Variants in EPHB2 observed in about 807,000 individuals in gnomAD.
EPHB2 encodes the protein ephrin type-B receptor 2.
Under a neutral mutation model 96.4 loss-of-function variants are expected in EPHB2, and 18 were observed. The ratio of observed to expected loss-of-function variants is 0.19; its 90% CI spans 0.13 to 0.28. The LOEUF is 0.28. EPHB2 is among the 10% of genes least tolerant of loss of function. The probability of loss-of-function intolerance (pLI) is 1.00; values close to 1 mark genes in which losing one functional copy is unlikely to be tolerated. For synonymous variants in EPHB2, 506 were observed against 534.1 expected (o/e 0.95, Z 0.72); for missense variants, 989 against 1,355.4 (o/e 0.73, Z 4.25).
At chr1:22,831,752 G>A (rs1270203960) in intron 3 of EPHB2, among the ~76,000 whole-genome samples, 1 of 152,106 alleles carries the variant, frequency 6.6e-6, no homozygotes, top group Admixed American at 6.5e-5. Flanking sequence ...GGGAGATGCT[G>A]ACCTGGGCTT....
Position 22,906,167 on chromosome 1 carries a change from C to T in EPHB2, c.1888+58C>T. On this transcript the variant is annotated intron_variant, in intron 10 of 15. Transcript: ENST00000374630. The surrounding 1 kb of genome is among the most constrained non-coding windows in gnomAD (Gnocchi z 4.8). Reference sequence around the variant, plus strand: ...CCTTAGCCATGGCTGGTGAGACCACCCCAATGTATACCCTTGGGGCAGAAG... The same window carrying T: ...CCTTAGCCATGGCTGGTGAGACCACTCCAATGTATACCCTTGGGGCAGAAG... The T allele has an allele frequency of 6.2e-7, 1 of 1,612,984 alleles. No individual in the cohort carries two copies. Among genetic ancestry groups the T allele is most frequent in the Non-Finnish European group, 8.5e-7 (1 of 1,179,644 alleles).
Position 22,916,685 on chromosome 1 carries a change from G to A in EPHB2, c.*3115G>A, listed in dbSNP as rs1461665619. On this transcript the variant is annotated 3_prime_UTR_variant, in exon 16 of 16. Coordinates refer to ENST00000374630, the MANE Select transcript of EPHB2 (RefSeq NM_017449.5). The surrounding 1 kb of genome is among the most constrained non-coding windows in gnomAD (Gnocchi z 4.2). ...TCCTTTCCTGGCTCAACCTCCCCAA[G>A]TGCCAGCCCCCGCCTGCCCAGCAGT... 1.3e-5 allele frequency: 2 copies of A among 152,560 alleles called. No homozygotes were observed. Among genetic ancestry groups the A allele is most frequent in the African/African-American group, 4.8e-5 (2 of 41,432 alleles). The allele number at this position is 152,560 out of a possible 1,614,324, so 9.5% of individuals were successfully genotyped here. A position where few individuals can be genotyped will look rare whatever the true frequency, so the allele number is the denominator to read the frequency against.
chr1:22,821,259 A>G (rs1435239742), intron 3 of EPHB2, among the ~76,000 whole-genome samples: 1 of 152,244 alleles, frequency 6.6e-6, no homozygotes, highest in Admixed American at 6.5e-5. Flanking sequence ...ACATGACTAT[A>G]CTACCCAGAT....
intron 1 of EPHB2, among the ~76,000 whole-genome samples, chr1:22,753,798 A>G (rs757759530): frequency 2.6e-5 from 4 of 151,524 alleles, no homozygotes; most frequent in Non-Finnish European, 5.9e-5. Flanking sequence ...CTATCATCCC[A>G]GTATTTATCT....
intron 8 of EPHB2, 86 bp downstream of exon 8, chr1:22,895,666 T>G: frequency 7.8e-7 from 1 of 1,278,606 alleles, no homozygotes. Context: ...ACAGTGCTGG[T>G]GAACCGAGGA....
At chr1:22,911,227 C>T (rs1323493903) in intron 14 of EPHB2, among the ~76,000 whole-genome samples, 1 of 152,096 alleles carries the variant, frequency 6.6e-6, no homozygotes, top group African/African-American at 2.4e-5. Flanking sequence ...ATATGCCTGT[C>T]ACTAAGTTTC....
In EPHB2 at chr1:22,784,877, C is replaced by T. The variant is rs773852423; in HGVS notation, c.612C>T (p.Gly204=). The change falls in exon 3 of 16, where the codon GGC becomes GGT. Residue 204 remains glycine, a synonymous_variant. Coordinates refer to ENST00000374630, the MANE Select transcript of EPHB2 (RefSeq NM_017449.5). This position sits in a 1 kb window ranked among gnomAD's most constrained non-coding sequence, Gnocchi z 5.1. Reference sequence around the variant, plus strand: ...AGTGCCCCCGCATCATCCAGAATGGCGCCATCTTCCAGGAAACCCTGTCGG... The same window carrying T: ...AGTGCCCCCGCATCATCCAGAATGGTGCCATCTTCCAGGAAACCCTGTCGG... ...YRKCPRIIQN[G]AIFQETLSGA... is the part of the protein sequence containing the mutation. 2.3e-5 allele frequency: 37 copies of T among 1,613,444 alleles called. No homozygotes were observed. The highest frequency in any genetic ancestry group is 1.7e-4 in the Middle Eastern group (1 of 6,060).
At chr1:22,720,404 A>G (rs1643425247) in intron 1 of EPHB2, among the ~76,000 whole-genome samples, 1 of 152,148 alleles carries the variant, frequency 6.6e-6, no homozygotes, top group Non-Finnish European at 1.5e-5. Flanking sequence ...CGTCCCACTC[A>G]ACATGTCCTG....
At chr1:22,777,607 G>T (rs1393640147) in intron 1 of EPHB2, among the ~76,000 whole-genome samples, 2 of 152,142 alleles carry the variant, frequency 1.3e-5, no homozygotes, top group East Asian at 3.9e-4. Flanking sequence ...AGTTTGAGAG[G>T]AACAAAGAGG....
chr1:22,730,219 C>T (rs1393281761), intron 1 of EPHB2, among the ~76,000 whole-genome samples: 1 of 152,220 alleles, frequency 6.6e-6, no homozygotes, highest in Non-Finnish European at 1.5e-5. Context: ...ATACTCAGAG[C>T]CAGGGGCGGA....
intron 1 of EPHB2, among the ~76,000 whole-genome samples, chr1:22,757,335 T>G (rs928341408): frequency 6.6e-6 from 1 of 151,684 alleles, no homozygotes; most frequent in East Asian, 1.9e-4. Context: ...GGGAGGTGGG[T>G]AGAGACAGTC....
intron 3 of EPHB2, among the ~76,000 whole-genome samples, chr1:22,803,895 CAG>C (rs1382396285): frequency 7.0e-6 from 1 of 143,128 alleles, no homozygotes; most frequent in Non-Finnish European, 1.5e-5. Context: ...GCCTGGGCAA[CAG>C]AGTGAGACCC....
chr1:22,892,121 T>G (rs1474366353), intron 6 of EPHB2, among the ~76,000 whole-genome samples: 1 of 152,106 alleles, frequency 6.6e-6, no homozygotes, highest in Non-Finnish European at 1.5e-5. Flanking sequence ...AAAGCAACCC[T>G]GAACTGATAG....
At chr1:22,786,803 AG>A (rs910062533) in intron 3 of EPHB2, among the ~76,000 whole-genome samples, 1 of 152,262 alleles carries the variant, frequency 6.6e-6, no homozygotes, top group African/African-American at 2.4e-5. Flanking sequence ...TAAGAGTCAC[AG>A]GGAACAGGGC....
In EPHB2 at chr1:22,744,858, A is replaced by G. The variant is rs146076168; in HGVS notation, c.61+33815A>G. ...ACAGAGTGAGACTGTGTCTCAAAAA[A>G]AGAAAAAAAAAGAAAAAAAGAAAAT... On this transcript the variant is annotated intron_variant, in intron 1 of 15. Coordinates refer to ENST00000374630, the MANE Select transcript of EPHB2 (RefSeq NM_017449.5). Among the ~76,000 whole-genome samples the G allele has an allele frequency of 4.5e-4, 69 of 152,076 alleles. 1 individual carries two copies. The East Asian group carries it at 0.013, about 28-fold the overall frequency.
At chr1:22,856,606 C>T (rs1291700717) in intron 3 of EPHB2, among the ~76,000 whole-genome samples, 10 of 152,286 alleles carry the variant, frequency 6.6e-5, no homozygotes, top group South Asian at 2.1e-4. Context: ...TTCTGGATCA[C>T]GAAGATCTGA....
At chr1:22,767,928 C>T (rs4654814) in intron 1 of EPHB2, among the ~76,000 whole-genome samples, 33,852 of 152,186 alleles carry the variant, frequency 0.22, 4,271 homozygotes, top group Non-Finnish European at 0.28. Context: ...TCCTGAGAAA[C>T]ATCGACATGC....
chr1:22,861,614 G>C (rs1317165497), intron 3 of EPHB2, among the ~76,000 whole-genome samples: 1 of 152,154 alleles, frequency 6.6e-6, no homozygotes, highest in Non-Finnish European at 1.5e-5. Flanking sequence ...TGAGAGCATG[G>C]CCAGGAGACC....
At chr1:22,836,148 G>A (rs993699084) in intron 3 of EPHB2, 5 of 152,316 alleles carry the variant, frequency 3.3e-5, no homozygotes, top group East Asian at 1.9e-4. Context: ...GAGGGGCCCC[G>A]GCCTTTCCAG....
Sources: allele counts gnomAD v4.1 joint callset (sites outside exome capture counted in the v4.1 genomes callset), GRCh38; gene constraint gnomAD v4.1.1; non-coding constraint Gnocchi (gnomAD v3.1); transcripts MANE v1.5; gene names NCBI Gene and HGNC (gene_info 2026-07-23, HGNC 2026-07-21).